WDFY1: variants seen among roughly 807,000 people sequenced by gnomAD.
The protein encoded by WDFY1 is WD repeat and FYVE domain-containing protein 1.
In WDFY1, 32 loss-of-function variants were observed where a neutral mutation model predicts 56.4. That is an observed-to-expected ratio of 0.57 (90% CI 0.43 to 0.76). The LOEUF (loss-of-function observed/expected upper bound fraction) is 0.76, where lower values mean the gene tolerates loss of function less well. WDFY1 is among the 30% of genes least tolerant of loss of function. The pLI is 0.00. For missense variants in WDFY1, 480 were observed against 545.7 expected, an observed-to-expected ratio of 0.88 and a Z score of 1.20; for synonymous variants, 192 against 197.3, an observed-to-expected ratio of 0.97 and a Z score of 0.23.
intron 9 of WDFY1, among the ~76,000 whole-genome samples, chr2:223,884,249 A>G (rs905166622): frequency 2.0e-5 from 3 of 152,234 alleles, no homozygotes; most frequent in African/African-American, 7.2e-5. Context: ...CATTCAAGTG[A>G]GGACTAAATT....
chr2:223,881,799 A>C (rs2106070004), intron 10 of WDFY1, 143 bp downstream of exon 10: 1 of 1,211,474 alleles, frequency 8.3e-7, no homozygotes, highest in East Asian at 2.8e-5. Flanking sequence ...AAAAACAAAC[A>C]ACAAATAAAA....
chr2:223,936,945 T>C (rs1426342895), intron 1 of WDFY1, among the ~76,000 whole-genome samples: 1 of 152,260 alleles, frequency 6.6e-6, no homozygotes. Flanking sequence ...GGAAGCCTTG[T>C]GTCTGGTTTC....
intron 1 of WDFY1, among the ~76,000 whole-genome samples, chr2:223,927,291 A>C (rs917778033): frequency 2.0e-5 from 3 of 152,238 alleles, no homozygotes; most frequent in Non-Finnish European, 4.4e-5. Flanking sequence ...ATCTTCTTCC[A>C]AAAGAATTGT....
At chr2:223,900,322 T>G (rs1693484458) in intron 5 of WDFY1, among the ~76,000 whole-genome samples, 1 of 152,264 alleles carries the variant, frequency 6.6e-6, no homozygotes. Flanking sequence ...TATATGATAC[T>G]ATTTTAAATA....
At chr2:223,925,855 A>G (rs1693970308) in intron 1 of WDFY1, among the ~76,000 whole-genome samples, 1 of 152,214 alleles carries the variant, frequency 6.6e-6, no homozygotes, top group South Asian at 2.1e-4. Flanking sequence ...TTAAACATTC[A>G]GCTTTTATCA....
At chr2:223,940,513 G>A (rs906256005) in intron 1 of WDFY1, among the ~76,000 whole-genome samples, 2 of 152,156 alleles carry the variant, frequency 1.3e-5, no homozygotes, top group Admixed American at 6.5e-5. Flanking sequence ...TACTCGTAGA[G>A]AAAAGGGACT....
Position 223,875,429 on chromosome 2 carries a change from G to T in WDFY1, c.*3242C>A, listed in dbSNP as rs1213861613. The T allele has an allele frequency of 6.7e-6, 1 of 148,474 alleles. No homozygotes were observed. Among genetic ancestry groups the T allele is most frequent in the South Asian group, 2.1e-4 (1 of 4,762 alleles). The allele number at this position is 148,474 out of a possible 1,614,324, so 9.2% of individuals were successfully genotyped here. On this transcript the variant is annotated 3_prime_UTR_variant, in exon 12 of 12. Coordinates refer to ENST00000233055, the MANE Select transcript of WDFY1 (RefSeq NM_020830.5). ...AACAGAACCCACAAATAGGAGCAAA[G>T]AACAGTTTTCTAGCATCTCTGGGAT...
chr2:223,910,139 A>G (rs1693669500), intron 3 of WDFY1, among the ~76,000 whole-genome samples: 1 of 138,986 alleles, frequency 7.2e-6, no homozygotes, highest in Non-Finnish European at 1.7e-5. Flanking sequence ...AGATGCCAAA[A>G]AACTTAAATG....
chr2:223,917,854 G>A (rs1693815091), intron 2 of WDFY1, 89 bp downstream of exon 2: 15 of 1,500,806 alleles, frequency 1.0e-5, no homozygotes, highest in Non-Finnish European at 1.3e-5. Context: ...TTACAGGTGT[G>A]AGCCACCATG....
At chr2:223,921,423 A>G (rs936521526) in intron 1 of WDFY1, among the ~76,000 whole-genome samples, 1 of 152,140 alleles carries the variant, frequency 6.6e-6, no homozygotes, top group Non-Finnish European at 1.5e-5. Flanking sequence ...CTCCATAGAG[A>G]AATGACTCAC....
intron 1 of WDFY1, among the ~76,000 whole-genome samples, chr2:223,928,014 G>A (rs1257796437): frequency 3.3e-5 from 5 of 152,128 alleles, no homozygotes; most frequent in African/African-American, 1.2e-4. Flanking sequence ...GGAGTATTCA[G>A]ATCACACACA....
At position 223,920,637 on chromosome 2, in the gene WDFY1, C is replaced by T. The variant is rs547271697; in HGVS notation, c.138-2627G>A. Among the ~76,000 whole-genome samples, 4 of 152,274 alleles carry T rather than the reference C, an allele frequency of 2.6e-5. No individual in the cohort carries two copies. In the East Asian group the frequency reaches 7.7e-4, roughly 29 times the overall value. ...GTGTGAACACGCCGGCTGTGGGAAA[C>T]CTTGCAGGAAACCTTGCAATAAAAC... On this transcript the variant is annotated intron_variant, in intron 1 of 11. Transcript: ENST00000233055.
At chr2:223,940,147 T>C (rs1157099200) in intron 1 of WDFY1, among the ~76,000 whole-genome samples, 1 of 152,150 alleles carries the variant, frequency 6.6e-6, no homozygotes, top group Non-Finnish European at 1.5e-5. Context: ...GGTGAAACCC[T>C]GTCTCTACTA....
chr2:223,911,566 CCACACA>C (rs58131865), intron 3 of WDFY1, among the ~76,000 whole-genome samples: 25,978 of 135,676 alleles, frequency 0.19, 2,798 homozygotes, highest in East Asian at 0.36. Context: ...AGCTGAATGA[CCACACA>C]CACACACACA....
chr2:223,905,143 T>C (rs1288242109), intron 4 of WDFY1, among the ~76,000 whole-genome samples: 1 of 152,256 alleles, frequency 6.6e-6, no homozygotes, highest in Non-Finnish European at 1.5e-5. Flanking sequence ...AAAGAAATTA[T>C]GAGGCAGCCA....
At chr2:223,888,476 C>G (rs1559163325) in intron 8 of WDFY1, among the ~76,000 whole-genome samples, 1 of 151,982 alleles carries the variant, frequency 6.6e-6, no homozygotes, top group Non-Finnish European at 1.5e-5. Flanking sequence ...CCAGCAATGT[C>G]TGTTAAGCAG....
intron 1 of WDFY1, among the ~76,000 whole-genome samples, chr2:223,920,149 T>G: frequency 6.6e-6 from 1 of 152,344 alleles, no homozygotes; most frequent in East Asian, 1.9e-4. Flanking sequence ...ATATTTTCAA[T>G]GCAAACTTGA....
Position 223,902,304 on chromosome 2 carries a change from A to G in WDFY1, c.335-971T>C, listed in dbSNP as rs1296501955. 2.0e-5 allele frequency among the ~76,000 whole-genome samples: 3 copies of G among 152,208 alleles called. No individual in the cohort carries two copies. The East Asian group carries it at 5.8e-4, about 29-fold the overall frequency. Reference sequence around the variant, plus strand: ...CAGCTGGGCACAGTGGCTCACACCTATAATCCCAGCACTTTTGGGAGGCCG... The same window carrying G: ...CAGCTGGGCACAGTGGCTCACACCTGTAATCCCAGCACTTTTGGGAGGCCG... On this transcript the variant is annotated intron_variant, in intron 4 of 11. Transcript: ENST00000233055.
In WDFY1 at chr2:223,895,389, A is replaced by C. The variant is rs911946058; in HGVS notation, c.725+115T>G. On this transcript the variant is annotated intron_variant, in intron 7 of 11. Coordinates refer to ENST00000233055, the MANE Select transcript of WDFY1 (RefSeq NM_020830.5). ...AAAAGTGAACTGAGCCCTATCAATGATAATTGCCATCTTAGAACGTGGGGT... is the reference window on the plus strand; with the variant it reads ...AAAAGTGAACTGAGCCCTATCAATGCTAATTGCCATCTTAGAACGTGGGGT... The C allele has an allele frequency of 4.9e-5, 73 of 1,496,750 alleles. No homozygotes were observed. In the South Asian group the frequency reaches 7.0e-4, roughly 14 times the overall value. 92.7% of individuals were successfully genotyped at this position (1,496,750 alleles called of 1,614,324 possible).
Sources: gnomAD v4.1 joint callset for allele counts (sites outside exome capture counted in the v4.1 genomes callset) on GRCh38, gnomAD v4.1.1 for gene constraint, MANE v1.5 for transcripts, NCBI Gene and HGNC (gene_info 2026-07-23, HGNC 2026-07-21) for gene names.